Variants in DLG2 observed in about 807,000 individuals in gnomAD.
DLG2 encodes disks large homolog 2.
A neutral mutation model predicts 132.5 loss-of-function variants in DLG2; 45 were observed. The ratio of observed to expected loss-of-function variants is 0.34; its 90% CI spans 0.27 to 0.44. DLG2 has a LOEUF of 0.44. Ranked by LOEUF, DLG2 falls within the 20% of genes least tolerant of loss-of-function variation. DLG2 has a pLI of 1.00. For synonymous variants in DLG2, 424 were observed against 419.6 expected (o/e 1.01, Z -0.13); for missense variants, 1,045 against 1,196.9 (o/e 0.87, Z 1.87).
intron 3 of DLG2, among the ~76,000 whole-genome samples, chr11:85,520,321 A>G (rs867533817): frequency 2.6e-5 from 4 of 152,308 alleles, no homozygotes; most frequent in South Asian, 4.1e-4. Flanking sequence ...AGAACGATAA[A>G]ACATTGATGA....
At chr11:84,368,425 T>C (rs753717004) in intron 7 of DLG2, among the ~76,000 whole-genome samples, 3 of 152,108 alleles carry the variant, frequency 2.0e-5, no homozygotes, top group African/African-American at 4.8e-5. Flanking sequence ...AGGTAAGGAT[T>C]TGAGATTTCA....
intron 6 of DLG2, among the ~76,000 whole-genome samples, chr11:84,864,828 T>A (rs757144796): frequency 7.9e-5 from 12 of 152,060 alleles, no homozygotes; most frequent in Non-Finnish European, 1.8e-4. Flanking sequence ...GGGCAGCCCA[T>A]GAATAGTGAG....
intron 3 of DLG2, among the ~76,000 whole-genome samples, chr11:85,556,793 T>C (rs2076962195): frequency 6.6e-6 from 1 of 151,846 alleles, no homozygotes; most frequent in Non-Finnish European, 1.5e-5. Context: ...ACAGAATTTT[T>C]CTTTAAATGA....
Position 84,876,741 on chromosome 11 carries a change from C to T in DLG2, c.357+234920G>A, listed in dbSNP as rs560230547. Among the ~76,000 whole-genome samples the T allele has an allele frequency of 2.3e-4, 35 of 152,140 alleles. 1 individual carries two copies. The South Asian group carries it at 7.3e-3, about 32-fold the overall frequency. On this transcript the variant is annotated intron_variant, in intron 6 of 27. Transcript: ENST00000376104. Reference sequence around the variant, plus strand: ...TTCTGCTAGCTTTTGAATTTGTTTGCTCTTGCTTCTCTAGTTCTTTTAATT... The same window carrying T: ...TTCTGCTAGCTTTTGAATTTGTTTGTTCTTGCTTCTCTAGTTCTTTTAATT...
chr11:85,294,297 TAGG>T (rs1478127067), intron 3 of DLG2, among the ~76,000 whole-genome samples: 1 of 151,700 alleles, frequency 6.6e-6, no homozygotes, highest in Non-Finnish European at 1.5e-5. Context: ...GTAAGGTGAC[TAGG>T]AGGTGTTAGT....
At chr11:83,797,739 C>T (rs2043211538) in intron 17 of DLG2, among the ~76,000 whole-genome samples, 3 of 151,986 alleles carry the variant, frequency 2.0e-5, no homozygotes, top group African/African-American at 4.8e-5. Context: ...AGGATGGTCT[C>T]GATCTCCTGA....
rs186392643 is a variant in DLG2, at chr11:85,288,874, G to A, written c.41-3509C>T. On this transcript the variant is annotated intron_variant, in intron 3 of 27. Coordinates refer to ENST00000376104, the MANE Select transcript of DLG2 (RefSeq NM_001142699.3). ...AAGTCACCAAAATTTGAAATACTAC[G>A]TGTACAAATTATTCAGAAAAGAAAG... 9.7e-4 allele frequency among the ~76,000 whole-genome samples: 147 copies of A among 151,922 alleles called. 2 individuals carry two copies. In the Middle Eastern group the frequency reaches 0.014, roughly 14 times the overall value.
chr11:83,965,300 T>C (rs1209828585), intron 13 of DLG2, 24 bp downstream of exon 13: 1 of 1,588,312 alleles, frequency 6.3e-7, no homozygotes, highest in Non-Finnish European at 8.6e-7. Flanking sequence ...TGGCATGCTA[T>C]TTGAAGATGA....
intron 21 of DLG2, among the ~76,000 whole-genome samples, chr11:83,504,153 A>T (rs1427663891): frequency 6.6e-6 from 1 of 152,232 alleles, no homozygotes; most frequent in African/African-American, 2.4e-5. Context: ...AATCCTTATG[A>T]CAATTACACT....
chr11:84,014,583 T>C (rs1170432760), intron 11 of DLG2, among the ~76,000 whole-genome samples: 1 of 152,188 alleles, frequency 6.6e-6, no homozygotes, highest in Non-Finnish European at 1.5e-5. Flanking sequence ...AGGCACATTG[T>C]CTGAAAGAAT....
At chr11:85,477,949 AAACT>A (rs2093190866) in intron 3 of DLG2, among the ~76,000 whole-genome samples, 2 of 152,138 alleles carry the variant, frequency 1.3e-5, no homozygotes, top group South Asian at 4.1e-4. Context: ...AGAAATATTT[AAACT>A]AACAGTTTCT....
intron 8 of DLG2, among the ~76,000 whole-genome samples, chr11:84,244,087 A>G (rs1439335418): frequency 6.6e-6 from 1 of 152,188 alleles, no homozygotes; most frequent in Non-Finnish European, 1.5e-5. Flanking sequence ...TTGTTACTCA[A>G]AGTATGATGT....
intron 3 of DLG2, among the ~76,000 whole-genome samples, chr11:85,497,081 G>A (rs117787880): frequency 0.013 from 1,938 of 152,180 alleles, 20 homozygotes; most frequent in Non-Finnish European, 0.021. Flanking sequence ...GAATGAGTTT[G>A]ATGAGTTGAC....
At chr11:84,910,728 T>C (rs2091975539) in intron 6 of DLG2, among the ~76,000 whole-genome samples, 1 of 151,720 alleles carries the variant, frequency 6.6e-6, no homozygotes, top group Non-Finnish European at 1.5e-5. Flanking sequence ...GCCTGGGCAA[T>C]ATAGCGAGAT....
chr11:84,552,221 T>A (rs1361474899), intron 6 of DLG2, among the ~76,000 whole-genome samples: 3 of 152,208 alleles, frequency 2.0e-5, no homozygotes, highest in Non-Finnish European at 4.4e-5. Flanking sequence ...ATCACACCCT[T>A]GTTTCTTCTC....
intron 6 of DLG2, among the ~76,000 whole-genome samples, chr11:84,656,484 A>T (rs1171472248): frequency 6.6e-6 from 1 of 152,198 alleles, no homozygotes; most frequent in Non-Finnish European, 1.5e-5. Flanking sequence ...GTAGTGGAAG[A>T]GAAATATAAG....
intron 4 of DLG2, among the ~76,000 whole-genome samples, chr11:85,278,379 A>G (rs2078023275): frequency 6.6e-6 from 1 of 152,180 alleles, no homozygotes; most frequent in Non-Finnish European, 1.5e-5. Context: ...GCCTGGGCAG[A>G]TCACCTGAGG....
At chr11:84,846,250 T>C (rs1023406872) in intron 6 of DLG2, among the ~76,000 whole-genome samples, 2 of 152,146 alleles carry the variant, frequency 1.3e-5, no homozygotes, top group African/African-American at 2.4e-5. Flanking sequence ...TCTTCACTTA[T>C]GTGTCTAACA....
intron 2 of DLG2, among the ~76,000 whole-genome samples, chr11:85,616,842 AAC>A (rs1238974728): frequency 2.6e-5 from 4 of 152,216 alleles, no homozygotes; most frequent in East Asian, 1.9e-4. Flanking sequence ...GGCAAACAGA[AAC>A]ACAGACATTC....
Sources: allele counts gnomAD v4.1 joint callset (sites outside exome capture counted in the v4.1 genomes callset), GRCh38; gene constraint gnomAD v4.1.1; transcripts MANE v1.5; gene names NCBI Gene and HGNC (gene_info 2026-07-23, HGNC 2026-07-21).